Variants in TMPO observed in about 807,000 individuals in gnomAD.
The protein encoded by TMPO is LEM domain containing 4.
TMPO carries 22 observed loss-of-function variants against 45.4 expected under a neutral mutation model. That is an observed-to-expected ratio of 0.48 (90% CI 0.35 to 0.69). The LOEUF (loss-of-function observed/expected upper bound fraction) is 0.69, where lower values mean the gene tolerates loss of function less well. Ranked by LOEUF, TMPO falls within the 30% of genes least tolerant of loss-of-function variation. TMPO has a pLI of 0.01. For missense variants in TMPO, 512 were observed against 548.8 expected (o/e 0.93, Z 0.67); for synonymous variants, 241 against 204.1 (o/e 1.18, Z -1.54).
At chr12:98,543,032 A>T (rs1878015057) in intron 4 of TMPO, among the ~76,000 whole-genome samples, 1 of 152,184 alleles carries the variant, frequency 6.6e-6, no homozygotes, top group Non-Finnish European at 1.5e-5. Flanking sequence ...TCAATTCCAA[A>T]TATAGATAAA....
rs538004944 is a variant in TMPO at position 98,537,249 on chromosome 12, G to T, written c.566-226G>T. ...AAAGGAGAATAGGTAGGAAGAAGTG[G>T]TTGTCAGATGAAAGGGTAAGGGAGA... On this transcript the variant is annotated intron_variant, in intron 3 of 8. Transcript: ENST00000556029. Among the ~76,000 whole-genome samples, 3 of 152,284 alleles carry T rather than the reference G, an allele frequency of 2.0e-5. No homozygotes were observed. The East Asian group carries it at 5.8e-4, about 29-fold the overall frequency.
At chr12:98,524,331 T>C (rs764853137) in intron 1 of TMPO, among the ~76,000 whole-genome samples, 6 of 152,168 alleles carry the variant, frequency 3.9e-5, no homozygotes, top group Non-Finnish European at 8.8e-5. Flanking sequence ...CCCAGCACTT[T>C]GGAAGGCTGA....
chr12:98,524,632 C>T (rs906875141), intron 1 of TMPO, among the ~76,000 whole-genome samples: 3 of 151,840 alleles, frequency 2.0e-5, no homozygotes, highest in South Asian at 2.1e-4. Flanking sequence ...CTTGCTCTAT[C>T]GCCCAGGCTG....
intron 4 of TMPO, among the ~76,000 whole-genome samples, chr12:98,543,017 T>A (rs555752527): frequency 1.5e-4 from 23 of 152,100 alleles, no homozygotes; most frequent in Non-Finnish European, 3.4e-4. Context: ...AAAACTCTTA[T>A]AATATCAATT....
At chr12:98,546,925 A>T (rs1878259384) in intron 8 of TMPO, among the ~76,000 whole-genome samples, 1 of 152,128 alleles carries the variant, frequency 6.6e-6, no homozygotes, top group East Asian at 1.9e-4. Context: ...GTGTTTATGT[A>T]TCTTAATTTT....
chr12:98,529,344 C>T (rs28546384), intron 2 of TMPO, among the ~76,000 whole-genome samples: 1,792 of 152,112 alleles, frequency 0.012, 33 homozygotes, highest in African/African-American at 0.041. Context: ...TGTGAGCCAC[C>T]GCGCTGAGCC....
chr12:98,527,337 AAAAAAAAAAAAAAC>A (rs1169819232), intron 1 of TMPO, among the ~76,000 whole-genome samples: 1 of 33,564 alleles, frequency 3.0e-5, no homozygotes, highest in Non-Finnish European at 7.7e-5. Flanking sequence ...CATCTCTACA[AAAAAAAAAAAAAAC>A]AAAAAAAAAA....
rs778992198 is a variant in TMPO at position 98,533,645 on chromosome 12, C to G, written c.565+1807C>G. 2 of 1,614,194 alleles carry G rather than the reference C, an allele frequency of 1.2e-6. No homozygotes were observed. Among genetic ancestry groups the G allele is most frequent in the Non-Finnish European group, 8.5e-7 (1 of 1,180,034 alleles). On this transcript the variant is annotated intron_variant, in intron 3 of 8. Transcript: ENST00000556029. ...GAACTGATGTCTTCTTTTGCCAAAA[C>G]TGTTGTCTCTCATTCACTCACTACC...
intron 1 of TMPO, among the ~76,000 whole-genome samples, chr12:98,521,098 GA>G (rs201055604): frequency 0.011 from 1,149 of 100,764 alleles, 11 homozygotes; most frequent in African/African-American, 0.033. Flanking sequence ...GGTTTATGAG[GA>G]ATTTTTTTTT....
In TMPO at chr12:98,515,856, C is replaced by G. The variant is rs1875742920; in HGVS notation, c.-12C>G. On this transcript the variant is annotated 5_prime_UTR_variant, in exon 1 of 9. Coordinates refer to ENST00000556029, the MANE Select transcript of TMPO (RefSeq NM_001032283.3). ...CAAAGGCTGTGGGGAGGGGGCTTCG[C>G]AGATCCCCGAGATGCCGGAGTTCCT... 7 of 1,609,680 alleles carry G rather than the reference C, an allele frequency of 4.3e-6. No homozygotes were observed. The highest frequency in any genetic ancestry group is 5.9e-6 in the Non-Finnish European group (7 of 1,178,138).
chr12:98,540,035 A>G (rs1165958244), intron 4 of TMPO, among the ~76,000 whole-genome samples: 4 of 152,232 alleles, frequency 2.6e-5, no homozygotes, highest in Non-Finnish European at 4.4e-5. Flanking sequence ...CAGGATCCAC[A>G]TATCCGGTTT....
In TMPO at chr12:98,533,440, G is replaced by A. The variant is rs1218771114; in HGVS notation, c.565+1602G>A. The A allele has an allele frequency of 6.2e-7, 1 of 1,614,016 alleles. No individual in the cohort carries two copies. The highest frequency in any genetic ancestry group is 8.5e-7 in the Non-Finnish European group (1 of 1,180,020). On this transcript the variant is annotated intron_variant, in intron 3 of 8. Coordinates refer to ENST00000556029, the MANE Select transcript of TMPO (RefSeq NM_001032283.3). ...CCAGGGTGGGGTAGGTAGTTTGCCTGGAACTTCTAACTCTATGCCCCCACT... is the reference window on the plus strand; with the variant it reads ...CCAGGGTGGGGTAGGTAGTTTGCCTAGAACTTCTAACTCTATGCCCCCACT...
chr12:98,515,627 C>A lies in TMPO; in HGVS notation c.-241C>A. 1.4e-6 allele frequency: 1 copy of A among 697,374 alleles called. No individual in the cohort carries two copies. The highest frequency in any genetic ancestry group is 2.3e-6 in the Non-Finnish European group (1 of 426,792). 43.2% of individuals were successfully genotyped at this position (697,374 alleles called of 1,614,324 possible). ...TCGCCTCCTGCCTGTAGTGTGTGGGCTGGGGTTGGTGCGAGCTTCCAGCTT... is the reference window on the plus strand; with the variant it reads ...TCGCCTCCTGCCTGTAGTGTGTGGGATGGGGTTGGTGCGAGCTTCCAGCTT... On this transcript the variant is annotated 5_prime_UTR_variant, in exon 1 of 9. In the 5' UTR this introduces an upstream ATG that the reference lacks. Coordinates refer to ENST00000556029, the MANE Select transcript of TMPO (RefSeq NM_001032283.3).
chr12:98,542,027 C>G (rs1230735100), intron 4 of TMPO, among the ~76,000 whole-genome samples: 1 of 152,154 alleles, frequency 6.6e-6, no homozygotes, highest in African/African-American at 2.4e-5. Context: ...TATTTAACCA[C>G]TCTCCATTTG....
At chr12:98,527,741 G>C (rs1466504988) in intron 1 of TMPO, 145 bp from the exon 2 acceptor site, 4 of 819,460 alleles carry the variant, frequency 4.9e-6, no homozygotes, top group Non-Finnish European at 7.9e-6. Context: ...ATAATGAGTT[G>C]CTCTTAATTT....
At chr12:98,516,604 C>T in intron 1 of TMPO, 1 of 943,858 alleles carries the variant, frequency 1.1e-6, no homozygotes, top group Non-Finnish European at 1.3e-6. Flanking sequence ...ACTGATGACA[C>T]TCTAATTTCT....
chr12:98,534,306 A>T (rs1244081680), intron 3 of TMPO: 1 of 1,613,016 alleles, frequency 6.2e-7, no homozygotes, highest in Non-Finnish European at 8.5e-7. Context: ...GAGGAGAAGT[A>T]TGCAAAGTAA....
intron 7 of TMPO, among the ~76,000 whole-genome samples, chr12:98,545,983 T>G (rs1878206533): frequency 6.6e-6 from 1 of 152,220 alleles, no homozygotes; most frequent in Non-Finnish European, 1.5e-5. Context: ...TCCACCCGCC[T>G]CAGCCTCCCA....
Position 98,546,492 on chromosome 12 carries a change from A to T in TMPO, c.1079+45A>T, listed in dbSNP as rs759737539. The stretch of plus-strand genomic sequence containing the variant: ...CAAGTACTAGTGTATTCTAGTAGGG[A>T]ATCTTTATTTTTAATTCTTCATCAC... On this transcript the variant is annotated intron_variant, in intron 8 of 8. Transcript: ENST00000556029. 1.4e-5 allele frequency: 19 copies of T among 1,317,340 alleles called. 1 individual carries two copies. In the Middle Eastern group the frequency reaches 9.1e-4, roughly 63 times the overall value. 81.6% of individuals were successfully genotyped at this position (1,317,340 alleles called of 1,614,324 possible).
Sources: gnomAD v4.1 joint callset for allele counts (sites outside exome capture counted in the v4.1 genomes callset) on GRCh38, gnomAD v4.1.1 for gene constraint, MANE v1.5 for transcripts, NCBI Gene and HGNC (gene_info 2026-07-23, HGNC 2026-07-21) for gene names.